IGSF10: variants seen among roughly 807,000 people sequenced by gnomAD.
IGSF10 encodes immunoglobulin superfamily member 10.
A neutral mutation model predicts 128.2 loss-of-function variants in IGSF10; 126 were observed. The ratio of observed to expected loss-of-function variants is 0.98; its 90% confidence interval spans 0.85 to 1.14. IGSF10 has a LOEUF of 1.14. Among genes scored for constraint, IGSF10 ranks in the 50% most tolerant of loss-of-function variants. IGSF10 has a pLI of 0.00. For synonymous variants in IGSF10, 1,185 were observed against 1,146.2 expected, an observed-to-expected ratio of 1.03 and a Z score of -0.68; for missense variants, 3,295 against 3,149.8, an observed-to-expected ratio of 1.05 and a Z score of -1.10.
upstream of IGSF10, among the ~76,000 whole-genome samples, chr3:151,464,189 G>A (rs144618518): frequency 1.1e-3 from 169 of 152,134 alleles, no homozygotes; most frequent in African/African-American, 3.8e-3. Flanking sequence ...ATTTACCTAC[G>A]CTTTAAGGAT....
chr3:151,448,402 G>T lies in IGSF10; in HGVS notation c.1579C>A (p.Arg527=). Residue 527 remains arginine, a synonymous_variant, in exon 6 of 8, where the codon CGG becomes AGG. Transcript: ENST00000282466. ...TTTCCACTTTTGTCTATTAGGATCC[G>T]TCCATCCTCACTGACATAAGGGGCT... ...VRAPYVSEDG[R]ILIDKSGKLE... is the part of the protein sequence containing the mutation. 6.2e-7 allele frequency: 1 copy of T among 1,614,136 alleles called. No individual in the cohort carries two copies.
At chr3:151,561,392 T>C in the IGSF10 span, among the ~76,000 whole-genome samples, 1 of 152,266 alleles carries the variant, frequency 6.6e-6, no homozygotes, top group African/African-American at 2.4e-5. Flanking sequence ...TAATCTCTAT[T>C]ATGAAGAATC....
the IGSF10 span, among the ~76,000 whole-genome samples, chr3:151,592,891 G>C: frequency 1.3e-5 from 2 of 152,038 alleles, no homozygotes; most frequent in Non-Finnish European, 2.9e-5. Flanking sequence ...TATAATGTTT[G>C]GGTATTGCAA....
At chr3:151,480,359 A>G in the IGSF10 span, among the ~76,000 whole-genome samples, 1 of 152,172 alleles carries the variant, frequency 6.6e-6, no homozygotes, top group Admixed American at 6.5e-5. Context: ...TGCTGGAAAA[A>G]GGTAAGCAAT....
the IGSF10 span, among the ~76,000 whole-genome samples, chr3:151,493,126 T>G: frequency 6.6e-6 from 1 of 152,024 alleles, no homozygotes; most frequent in Admixed American, 6.6e-5. Flanking sequence ...GAAAAAAAGG[T>G]TAAATAGAAT....
chr3:151,434,947 G>A (rs368932428), downstream of IGSF10: 18 of 151,852 alleles, frequency 1.2e-4, no homozygotes, highest in African/African-American at 4.4e-4. Context: ...TTAATTCCAC[G>A]ATTCTATTGA....
At chr3:151,457,778 T>G (rs1721866969) in intron 3 of IGSF10, among the ~76,000 whole-genome samples, 1 of 152,246 alleles carries the variant, frequency 6.6e-6, no homozygotes. Context: ...ACAACCTTAA[T>G]GTTAGCTCTT....
At chr3:151,473,680 T>C in the IGSF10 span, among the ~76,000 whole-genome samples, 1 of 152,182 alleles carries the variant, frequency 6.6e-6, no homozygotes. Context: ...TGCAGATTTA[T>C]GGATGAACAA....
intron 6 of IGSF10, among the ~76,000 whole-genome samples, 198 bp from the exon 7 acceptor site, chr3:151,444,082 C>G (rs765123431): frequency 1.3e-5 from 2 of 151,918 alleles, no homozygotes; most frequent in African/African-American, 4.8e-5. Context: ...AAGACCAGCC[C>G]TGGAAACATA....
At chr3:151,516,256 AGAT>A in the IGSF10 span, among the ~76,000 whole-genome samples, 2 of 152,080 alleles carry the variant, frequency 1.3e-5, no homozygotes, top group African/African-American at 2.4e-5. Context: ...TCTCCCTGGA[AGAT>A]GATGACATCC....
chr3:151,553,179 G>A, the IGSF10 span, among the ~76,000 whole-genome samples: 1 of 152,104 alleles, frequency 6.6e-6, no homozygotes, highest in Non-Finnish European at 1.5e-5. Flanking sequence ...ACATCTGAGT[G>A]TTCTGCTGAA....
chr3:151,609,497 A>T, the IGSF10 span, among the ~76,000 whole-genome samples: 1 of 152,070 alleles, frequency 6.6e-6, no homozygotes, highest in South Asian at 2.1e-4. Flanking sequence ...TACTCAGTAT[A>T]TACCCAAAGG....
At chr3:151,509,056 T>C in the IGSF10 span, among the ~76,000 whole-genome samples, 4 of 152,140 alleles carry the variant, frequency 2.6e-5, no homozygotes, top group East Asian at 1.9e-4. Flanking sequence ...AATCCTAGAA[T>C]AAGGTATCTT....
At chr3:151,619,601 C>T in the IGSF10 span, among the ~76,000 whole-genome samples, 4 of 151,808 alleles carry the variant, frequency 2.6e-5, no homozygotes, top group Non-Finnish European at 4.4e-5. Context: ...TTATGATTAA[C>T]CCCAAATATT....
upstream of IGSF10, chr3:151,461,251 G>C (rs1020670881): frequency 1.0e-6 from 1 of 985,246 alleles, no homozygotes; most frequent in East Asian, 1.1e-4. Flanking sequence ...GCAGGTCCTG[G>C]CTGGGTGGCA....
At chr3:151,439,152 C>T (rs1427862701) in intron 7 of IGSF10, among the ~76,000 whole-genome samples, 2 of 152,138 alleles carry the variant, frequency 1.3e-5, no homozygotes, top group African/African-American at 4.8e-5. Context: ...GAGTTCTAGA[C>T]ACCATGACTT....
At chr3:151,438,951 T>G (rs552925429) in intron 7 of IGSF10, among the ~76,000 whole-genome samples, 56 of 152,224 alleles carry the variant, frequency 3.7e-4, no homozygotes, top group African/African-American at 1.3e-3. Flanking sequence ...CTTTAAATTG[T>G]TGCAATAAAA....
chr3:151,520,143 C>A, the IGSF10 span, among the ~76,000 whole-genome samples: 1 of 151,740 alleles, frequency 6.6e-6, no homozygotes, highest in East Asian at 1.9e-4. Flanking sequence ...CTCTGGTGTA[C>A]CTTTTTCAGA....
chr3:151,486,743 A>G, the IGSF10 span, among the ~76,000 whole-genome samples: 1 of 152,186 alleles, frequency 6.6e-6, no homozygotes, highest in Non-Finnish European at 1.5e-5. Context: ...CAAGATTAGA[A>G]TAATGAAATG....
Sources: allele counts gnomAD v4.1 joint callset (sites outside exome capture counted in the v4.1 genomes callset), GRCh38; gene constraint gnomAD v4.1.1; transcripts MANE v1.5; gene names NCBI Gene and HGNC (gene_info 2026-07-23, HGNC 2026-07-21).